EFNA5: variants seen among roughly 807,000 people sequenced by gnomAD.
EFNA5 encodes ephrin A5.
Under a neutral mutation model 22.9 loss-of-function variants are expected in EFNA5, and 5 were observed. The observed-to-expected ratio is 0.22, with a 90% CI of 0.11 to 0.46. EFNA5 has a LOEUF of 0.46. Among genes scored for constraint, EFNA5 ranks in the 20% least tolerant of loss-of-function variants. EFNA5 has a pLI of 0.99. For synonymous variants in EFNA5, 113 were observed against 112.2 expected (o/e 1.01, Z -0.04); for missense variants, 237 against 293.3 (o/e 0.81, Z 1.40).
chr5:107,429,151 A>G (rs1412711369), intron 1 of EFNA5, among the ~76,000 whole-genome samples: 1 of 152,188 alleles, frequency 6.6e-6, no homozygotes, highest in East Asian at 1.9e-4. Flanking sequence ...GTAGAAATAT[A>G]CCACCTTCTA....
intron 1 of EFNA5, among the ~76,000 whole-genome samples, chr5:107,651,143 C>T (rs1750720971): frequency 6.6e-6 from 1 of 152,182 alleles, no homozygotes; most frequent in South Asian, 2.1e-4. Context: ...AACTGTATCA[C>T]TCCACATAGC....
intron 1 of EFNA5, among the ~76,000 whole-genome samples, chr5:107,427,938 A>G (rs17533273): frequency 0.2 from 30,871 of 152,144 alleles, 4,182 homozygotes; most frequent in Non-Finnish European, 0.3. Flanking sequence ...TGAGGAAATT[A>G]AAGAACAAAT....
rs1747279913 is a variant in EFNA5 at position 107,376,992 on chromosome 5, T to C, written c.*4263A>G. ...TATGGGTTTGTTTGTGTGTGGGTTT[T>C]TTTTTTTTACATTTTCTTTTACGTT... On this transcript the variant is annotated 3_prime_UTR_variant, in exon 5 of 5. Transcript: ENST00000333274. The C allele has an allele frequency of 6.6e-6, 1 of 151,992 alleles. No homozygotes were observed. The highest frequency in any genetic ancestry group is 1.5e-5 in the Non-Finnish European group (1 of 68,000). 9.4% of individuals were successfully genotyped at this position (151,992 alleles called of 1,614,324 possible). A position where few individuals can be genotyped will look rare whatever the true frequency, so the allele number is the denominator to read the frequency against.
chr5:107,495,640 G>A (rs1052477107), intron 1 of EFNA5, among the ~76,000 whole-genome samples: 17 of 152,260 alleles, frequency 1.1e-4, no homozygotes, highest in African/African-American at 3.4e-4. Flanking sequence ...AGGGGAACAC[G>A]AGGAAGTATG....
At chr5:107,462,173 A>T (rs1246960572) in intron 1 of EFNA5, among the ~76,000 whole-genome samples, 1 of 152,198 alleles carries the variant, frequency 6.6e-6, no homozygotes, top group Non-Finnish European at 1.5e-5. Context: ...TGAAGTTGTC[A>T]TCTTCACTGC....
At chr5:107,443,213 G>A (rs1195508642) in intron 1 of EFNA5, among the ~76,000 whole-genome samples, 1 of 152,174 alleles carries the variant, frequency 6.6e-6, no homozygotes, top group Non-Finnish European at 1.5e-5. Context: ...CCATAGCTAA[G>A]GTTTCTGCCT....
chr5:107,551,794 T>C (rs1163360184), intron 1 of EFNA5, among the ~76,000 whole-genome samples: 2 of 152,164 alleles, frequency 1.3e-5, no homozygotes, highest in African/African-American at 4.8e-5. Context: ...GAACATTTAC[T>C]GTAAAATTTC....
intron 1 of EFNA5, among the ~76,000 whole-genome samples, chr5:107,660,217 G>C (rs1490642717): frequency 7.6e-6 from 1 of 131,458 alleles, no homozygotes; most frequent in South Asian, 2.4e-4. Flanking sequence ...AACCACAGTG[G>C]GAACACTGCC....
intron 1 of EFNA5, among the ~76,000 whole-genome samples, chr5:107,639,198 T>C (rs1750449501): frequency 6.6e-6 from 1 of 152,128 alleles, no homozygotes; most frequent in Non-Finnish European, 1.5e-5. Context: ...AAATGGGGGG[T>C]TATTATTTAC....
At chr5:107,409,393 G>A (rs1483571289) in intron 2 of EFNA5, among the ~76,000 whole-genome samples, 2 of 152,256 alleles carry the variant, frequency 1.3e-5, no homozygotes, top group South Asian at 4.1e-4. Flanking sequence ...GATGCAGCAG[G>A]AACAATGCTC....
intron 1 of EFNA5, among the ~76,000 whole-genome samples, chr5:107,496,037 T>G (rs1286754267): frequency 6.6e-6 from 1 of 151,818 alleles, no homozygotes; most frequent in Non-Finnish European, 1.5e-5. Flanking sequence ...CCAAAATTAC[T>G]TAGAGCAGGC....
chr5:107,561,309 T>C lies in EFNA5; in HGVS notation c.125+109180A>G, dbSNP rs573748630. Among the ~76,000 whole-genome samples, 17 of 152,362 alleles carry C rather than the reference T, an allele frequency of 1.1e-4. No homozygotes were observed. In the South Asian group the frequency reaches 3.5e-3, roughly 32 times the overall value. On this transcript the variant is annotated intron_variant, in intron 1 of 4. Coordinates refer to ENST00000333274, the MANE Select transcript of EFNA5 (RefSeq NM_001962.3). ...AAATAAACTCTGCTATGCTACCTGG[T>C]ACCACTTGTGTTAAGAGCCATGTGA...
At chr5:107,579,172 A>G (rs980375953) in intron 1 of EFNA5, among the ~76,000 whole-genome samples, 1 of 152,188 alleles carries the variant, frequency 6.6e-6, no homozygotes, top group Non-Finnish European at 1.5e-5. Flanking sequence ...ACAGAAGGAC[A>G]TTATAGTGCA....
At chr5:107,628,825 G>A (rs1252041719) in intron 1 of EFNA5, among the ~76,000 whole-genome samples, 1 of 152,128 alleles carries the variant, frequency 6.6e-6, no homozygotes, top group Non-Finnish European at 1.5e-5. Flanking sequence ...GAGGTCTGGG[G>A]AAGATGCTGA....
chr5:107,485,716 A>G (rs1283251959), intron 1 of EFNA5, among the ~76,000 whole-genome samples: 1 of 152,198 alleles, frequency 6.6e-6, no homozygotes, highest in Non-Finnish European at 1.5e-5. Flanking sequence ...AGTCAGGCTT[A>G]GTAGGAAAGA....
chr5:107,557,534 G>C (rs1467821825), intron 1 of EFNA5, among the ~76,000 whole-genome samples: 1 of 152,192 alleles, frequency 6.6e-6, no homozygotes, highest in Non-Finnish European at 1.5e-5. Context: ...GTTTCCTCAT[G>C]TCTAAACAAT....
chr5:107,501,640 C>T (rs1207472451), intron 1 of EFNA5, among the ~76,000 whole-genome samples: 1 of 152,166 alleles, frequency 6.6e-6, no homozygotes, highest in Admixed American at 6.5e-5. Flanking sequence ...AAACTTAAAA[C>T]TGTAATATCA....
chr5:107,478,071 T>C (rs1750359237), intron 1 of EFNA5, among the ~76,000 whole-genome samples: 2 of 152,178 alleles, frequency 1.3e-5, no homozygotes, highest in Non-Finnish European at 2.9e-5. Flanking sequence ...AGATATATAA[T>C]GCCATGATAG....
At chr5:107,622,990 C>T (rs964326538) in intron 1 of EFNA5, among the ~76,000 whole-genome samples, 3 of 134,300 alleles carry the variant, frequency 2.2e-5, no homozygotes, top group African/African-American at 5.7e-5. Context: ...CACTGCAGTC[C>T]GCAGTCCGGC....
Sources: gnomAD v4.1 joint callset for allele counts (sites outside exome capture counted in the v4.1 genomes callset) on GRCh38, gnomAD v4.1.1 for gene constraint, MANE v1.5 for transcripts, NCBI Gene and HGNC (gene_info 2026-07-23, HGNC 2026-07-21) for gene names.